PLXNB1: variants seen among roughly 807,000 people sequenced by gnomAD.
The protein encoded by PLXNB1 is plexin B1.
PLXNB1 carries 106 observed loss-of-function variants against 209.4 expected under a neutral mutation model. The observed-to-expected ratio is 0.51, with a 90% CI of 0.43 to 0.59. PLXNB1 has a LOEUF of 0.59. Ranked by LOEUF, PLXNB1 falls within the 20% of genes least tolerant of loss-of-function variation. The pLI is 0.00. For synonymous variants in PLXNB1, 1,167 were observed against 1,183.2 expected, an observed-to-expected ratio of 0.99 and a Z score of 0.28; for missense variants, 2,357 against 2,853.2, an observed-to-expected ratio of 0.83 and a Z score of 3.96.
Position 48,416,118 on chromosome 3 carries a change from C to A in PLXNB1, c.3530G>T (p.Gly1177Val). The change falls in exon 18 of 38, where the codon GGC becomes GTC. Residue 1177 changes from glycine to valine, a missense_variant. Physicochemically the swap from Gly to Val is moderately radical, Grantham distance 109 (BLOSUM62 -3). Coordinates refer to ENST00000296440, the MANE Select transcript of PLXNB1 (RefSeq NM_001130082.3). This position sits in a 1 kb window ranked among gnomAD's most constrained non-coding sequence, Gnocchi z 4.1. ...IFPARGPRAG[G>V]TRLTLNGSKL... ...GGAGCCATTCAGGGTGAGACGGGTG[C>A]CCCCAGCTCTGGGGCCGCGGGCCGG... The A allele has an allele frequency of 6.3e-7, 1 of 1,598,956 alleles. No homozygotes were observed. The highest frequency in any genetic ancestry group is 8.5e-7 in the Non-Finnish European group (1 of 1,173,102).
intron 34 of PLXNB1, among the ~76,000 whole-genome samples, chr3:48,408,452 G>C (rs774641240): frequency 1.3e-5 from 2 of 152,170 alleles, no homozygotes; most frequent in Non-Finnish European, 1.5e-5. Flanking sequence ...CTGGGTGCTT[G>C]AGCAGACACC....
chr3:48,425,653 C>G (rs1451824029), intron 1 of PLXNB1, among the ~76,000 whole-genome samples: 1 of 152,288 alleles, frequency 6.6e-6, no homozygotes, highest in Non-Finnish European at 1.5e-5. Context: ...GTCCCTCTCT[C>G]TGCTCAAACT....
chr3:48,405,946 C>T lies in PLXNB1; in HGVS notation c.6229-148G>A. 1.5e-6 allele frequency: 1 copy of T among 647,584 alleles called. No individual in the cohort carries two copies. The highest frequency in any genetic ancestry group is 2.8e-6 in the Non-Finnish European group (1 of 361,700). 40.1% of individuals were successfully genotyped at this position (647,584 alleles called of 1,614,324 possible). A position where few individuals can be genotyped will look rare whatever the true frequency, so the allele number is the denominator to read the frequency against. ...GCACTACAGTGGGAAGCAGAGTCCC[C>T]TCCATGGCCCAGGGACCCCAGGCCA... On this transcript the variant is annotated intron_variant, in intron 36 of 37. Transcript: ENST00000296440. The surrounding 1 kb of genome is among the most constrained non-coding windows in gnomAD (Gnocchi z 5.0).
Position 48,405,807 on chromosome 3 carries a change from G to A in PLXNB1, c.6229-9C>T. ...AGGTCTCCGGAGTAGTTCTAGGGAAGAGGCCAAATGAAAGGTGAGAGAGAC... is the reference window on the plus strand; with the variant it reads ...AGGTCTCCGGAGTAGTTCTAGGGAAAAGGCCAAATGAAAGGTGAGAGAGAC... On this transcript the variant is annotated splice_polypyrimidine_tract_variant and intron_variant, in intron 36 of 37. Coordinates refer to ENST00000296440, the MANE Select transcript of PLXNB1 (RefSeq NM_001130082.3). This position sits in a 1 kb window ranked among gnomAD's most constrained non-coding sequence, Gnocchi z 5.0. 1 of 1,611,738 alleles carries A rather than the reference G, an allele frequency of 6.2e-7. No individual in the cohort carries two copies. The highest frequency in any genetic ancestry group is 1.1e-5 in the South Asian group (1 of 91,020).
chr3:48,404,378 ACT>A lies in PLXNB1; in HGVS notation c.*106_*107del. 9 of 666,918 alleles carry A rather than the reference ACT, an allele frequency of 1.3e-5. No individual in the cohort carries two copies. The highest frequency in any genetic ancestry group is 7.6e-5 in the South Asian group (4 of 52,754). 41.3% of individuals were successfully genotyped at this position (666,918 alleles called of 1,614,324 possible). A position where few individuals can be genotyped will look rare whatever the true frequency, so the allele number is the denominator to read the frequency against. ...GGAGACTGGGAGTCACCTTCCACTA[ACT>A]CTGCTTGTCAGTCACTACAGGCACC... On this transcript the variant is annotated 3_prime_UTR_variant, in exon 38 of 38. Coordinates refer to ENST00000296440, the MANE Select transcript of PLXNB1 (RefSeq NM_001130082.3).
In PLXNB1 at chr3:48,413,476, C is replaced by T. The variant is rs41290680; in HGVS notation, c.4535+194G>A. On this transcript the variant is annotated intron_variant, in intron 23 of 37. Transcript: ENST00000296440. The surrounding 1 kb of genome is among the most constrained non-coding windows in gnomAD (Gnocchi z 5.4). Reference sequence around the variant, plus strand: ...CAGCCACTTTCATGTGTTTCCATGTCGTCCCTGGCTGCCTTTGTGCCACAG... The same window carrying T: ...CAGCCACTTTCATGTGTTTCCATGTTGTCCCTGGCTGCCTTTGTGCCACAG... The T allele has an allele frequency of 2.3e-3, 1,412 of 615,078 alleles. 3 individuals are homozygous for T. Among genetic ancestry groups the T allele is most frequent in the Non-Finnish European group, 3.3e-3 (1,164 of 353,092 alleles). 38.1% of individuals were successfully genotyped at this position (615,078 alleles called of 1,614,324 possible). A position where few individuals can be genotyped will look rare whatever the true frequency, so the allele number is the denominator to read the frequency against.
At position 48,417,370 on chromosome 3, in the gene PLXNB1, T is replaced by C. The variant is rs1213245581; in HGVS notation, c.3374+541A>G. On this transcript the variant is annotated intron_variant, in intron 16 of 37. Coordinates refer to ENST00000296440, the MANE Select transcript of PLXNB1 (RefSeq NM_001130082.3). The surrounding 1 kb of genome is among the most constrained non-coding windows in gnomAD (Gnocchi z 4.4). The stretch of plus-strand genomic sequence containing the variant: ...TTAGGAATGTCCTGCGTGTGTACCT[T>C]TGGGGCCTGCAACCGCTGGCCAGGT... Among the ~76,000 whole-genome samples, 1 of 152,210 alleles carries C rather than the reference T, an allele frequency of 6.6e-6. No individual in the cohort carries two copies. Among genetic ancestry groups the C allele is most frequent in the African/African-American group, 2.4e-5 (1 of 41,454 alleles).
Position 48,410,089 on chromosome 3 carries a change from G to A in PLXNB1, c.5606-12C>T. ...CAGCATTGGGGTCCCTGTGCCAAGA[G>A]CCCACAGCTGTCACCCCTCCCCAGG... On this transcript the variant is annotated splice_polypyrimidine_tract_variant and intron_variant, in intron 31 of 37. Transcript: ENST00000296440. This position sits in a 1 kb window ranked among gnomAD's most constrained non-coding sequence, Gnocchi z 6.4. The A allele has an allele frequency of 6.4e-7, 1 of 1,565,594 alleles. No homozygotes were observed. Among genetic ancestry groups the A allele is most frequent in the Non-Finnish European group, 8.7e-7 (1 of 1,151,998 alleles).
rs938294100 is a variant in PLXNB1, at chr3:48,411,771, G to A, written c.5247+92C>T. On this transcript the variant is annotated intron_variant, in intron 28 of 37. Transcript: ENST00000296440. The surrounding 1 kb of genome is among the most constrained non-coding windows in gnomAD (Gnocchi z 4.0). The stretch of plus-strand genomic sequence containing the variant: ...AGCTCTACATCCAGGTACCACATCA[G>A]AAGCTGGTGTCCAGACCCCACACAC... The A allele has an allele frequency of 1.9e-5, 27 of 1,421,824 alleles. No homozygotes were observed. The highest frequency in any genetic ancestry group is 2.6e-5 in the South Asian group (2 of 77,620). 88.1% of individuals were successfully genotyped at this position (1,421,824 alleles called of 1,614,324 possible).
Position 48,415,849 on chromosome 3 carries a change from T to A in PLXNB1, c.3618-90A>T, listed in dbSNP as rs1480976073. On this transcript the variant is annotated intron_variant, in intron 18 of 37. Coordinates refer to ENST00000296440, the MANE Select transcript of PLXNB1 (RefSeq NM_001130082.3). This position sits in a 1 kb window ranked among gnomAD's most constrained non-coding sequence, Gnocchi z 5.0. ...CAACTGGCTTCCCTCAAGCGCTGAC[T>A]GCAGTCTCCACCAGGTGTCCCTGGA... 3.6e-6 allele frequency: 5 copies of A among 1,386,202 alleles called. No individual in the cohort carries two copies. The highest frequency in any genetic ancestry group is 3.9e-6 in the Non-Finnish European group (4 of 1,022,588). The allele number at this position is 1,386,202 out of a possible 1,614,324, so 85.9% of individuals were successfully genotyped here.
Position 48,422,085 on chromosome 3 carries a change from G to C in PLXNB1, c.1520+20C>G. 1 of 1,597,340 alleles carries C rather than the reference G, an allele frequency of 6.3e-7. No individual in the cohort carries two copies. The highest frequency in any genetic ancestry group is 8.6e-7 in the Non-Finnish European group (1 of 1,164,870). ...ATTGTGGGCTTGAGGCTGGGGCTGG[G>C]ATGGGGTCAGAAATCTGACCTGCCA... On this transcript the variant is annotated intron_variant, in intron 6 of 37. Transcript: ENST00000296440.
chr3:48,427,044 T>C (rs2038931341), intron 1 of PLXNB1, among the ~76,000 whole-genome samples: 1 of 152,182 alleles, frequency 6.6e-6, no homozygotes, highest in South Asian at 2.1e-4. Flanking sequence ...CACTCCTACA[T>C]GCTTACAAAT....
At chr3:48,408,908 C>T (rs1340371293) in intron 34 of PLXNB1, among the ~76,000 whole-genome samples, 1 of 152,160 alleles carries the variant, frequency 6.6e-6, no homozygotes, top group Non-Finnish European at 1.5e-5. Flanking sequence ...GACAGCACAG[C>T]GCCCTCTTGG....
In PLXNB1 at chr3:48,417,473, C is replaced by T. The variant is rs2038177883; in HGVS notation, c.3374+438G>A. ...TGGAGCCTGGCCCTCGGCCAGTGTG[C>T]CTTTCTGAGGTGTGCCTTCCAAGTC... On this transcript the variant is annotated intron_variant, in intron 16 of 37. Transcript: ENST00000296440. This position sits in a 1 kb window ranked among gnomAD's most constrained non-coding sequence, Gnocchi z 4.4. Among the ~76,000 whole-genome samples the T allele has an allele frequency of 6.6e-6, 1 of 152,208 alleles. No homozygotes were observed. Among genetic ancestry groups the T allele is most frequent in the South Asian group, 2.1e-4 (1 of 4,832 alleles).
intron 1 of PLXNB1, among the ~76,000 whole-genome samples, chr3:48,428,256 C>A (rs1052293537): frequency 6.6e-6 from 1 of 152,214 alleles, no homozygotes; most frequent in Non-Finnish European, 1.5e-5. Flanking sequence ...CCAGGGCAGA[C>A]TGAAAAGGCT....
rs1423496380 is a variant in PLXNB1 at position 48,410,093 on chromosome 3, A to G, written c.5606-16T>C. Reference sequence around the variant, plus strand: ...ATTGGGGTCCCTGTGCCAAGAGCCCACAGCTGTCACCCCTCCCCAGGTGCC... The same window carrying G: ...ATTGGGGTCCCTGTGCCAAGAGCCCGCAGCTGTCACCCCTCCCCAGGTGCC... On this transcript the variant is annotated splice_polypyrimidine_tract_variant and intron_variant, in intron 31 of 37. Transcript: ENST00000296440. The surrounding 1 kb of genome is among the most constrained non-coding windows in gnomAD (Gnocchi z 6.4). The G allele has an allele frequency of 1.3e-6, 2 of 1,563,728 alleles. No homozygotes were observed. The highest frequency in any genetic ancestry group is 8.7e-7 in the Non-Finnish European group (1 of 1,150,670).
At position 48,423,756 on chromosome 3, in the gene PLXNB1, C is replaced by T; in HGVS notation, c.856G>A (p.Glu286Lys). 1 of 1,613,934 alleles carries T rather than the reference C, an allele frequency of 6.2e-7. No individual in the cohort carries two copies. The highest frequency in any genetic ancestry group is 8.5e-7 in the Non-Finnish European group (1 of 1,179,976). Reference sequence around the variant, plus strand: ...AAGAGCACCTCCCCATGCGCCACCTCCCTGGACGTGGCCACAGCTGCAGCC... The same window carrying T: ...AAGAGCACCTCCCCATGCGCCACCTTCCTGGACGTGGCCACAGCTGCAGCC... ...IQAAAVATSR[E>K]VAHGEVLFAA... Residue 286 changes from glutamate (E) to lysine (K), a missense_variant, in exon 3 of 38, where the codon GAG (glutamate) becomes AAG (lysine). Physicochemically the swap from Glu to Lys is moderately conservative, Grantham distance 56 (BLOSUM62 1). Coordinates refer to ENST00000296440, the MANE Select transcript of PLXNB1 (RefSeq NM_001130082.3).
At chr3:48,425,557 G>A (rs945638874) in intron 1 of PLXNB1, among the ~76,000 whole-genome samples, 1 of 151,838 alleles carries the variant, frequency 6.6e-6, no homozygotes, top group African/African-American at 2.4e-5. Context: ...CCAGGCACCC[G>A]AGGGGCCTGG....
In PLXNB1 at chr3:48,419,055, ACAGCTGTTGGG is replaced by A. The variant is rs1296111754; in HGVS notation, c.2833-27_2833-17del. On this transcript the variant is annotated splice_polypyrimidine_tract_variant and intron_variant, in intron 12 of 37. Coordinates refer to ENST00000296440, the MANE Select transcript of PLXNB1 (RefSeq NM_001130082.3). This position sits in a 1 kb window ranked among gnomAD's most constrained non-coding sequence, Gnocchi z 5.7. ...CTGGGCCATCCTGAGGGCAGAGAAC[ACAGCTGTTGGG>A]CAGCTTCAGGAGCTGGGCCCAGGGA... 1 of 1,613,114 alleles carries A rather than the reference ACAGCTGTTGGG, an allele frequency of 6.2e-7. No homozygotes were observed. Among genetic ancestry groups the A allele is most frequent in the Non-Finnish European group, 8.5e-7 (1 of 1,179,230 alleles).
Sources: gnomAD v4.1 joint callset for allele counts (sites outside exome capture counted in the v4.1 genomes callset) on GRCh38, gnomAD v4.1.1 for gene constraint, Gnocchi (gnomAD v3.1) non-coding constraint, MANE v1.5 for transcripts, NCBI Gene and HGNC (gene_info 2026-07-23, HGNC 2026-07-21) for gene names.